CNTN4: variants seen among roughly 807,000 people sequenced by gnomAD.
CNTN4 encodes contactin 4, also known as contactin-4.
Under a neutral mutation model 122.5 loss-of-function variants are expected in CNTN4, and 77 were observed. That is an observed-to-expected ratio of 0.63 (90% CI 0.52 to 0.76). CNTN4 has a LOEUF of 0.76. Ranked by LOEUF, CNTN4 falls within the 30% of genes least tolerant of loss-of-function variation. The pLI, the probability that CNTN4 is intolerant of heterozygous loss-of-function variation, is 0.00. For synonymous variants in CNTN4, 512 were observed against 447.0 expected (o/e 1.15, Z -1.83); for missense variants, 1,256 against 1,259.1 (o/e 1.00, Z 0.04).
At chr3:2,971,547 A>G (rs1218341547) in intron 13 of CNTN4, among the ~76,000 whole-genome samples, 1 of 152,330 alleles carries the variant, frequency 6.6e-6, no homozygotes, top group South Asian at 2.1e-4. Flanking sequence ...GAAAAACAAT[A>G]AGCAGAATTC....
At chr3:2,806,244 C>G (rs1443877403) in intron 6 of CNTN4, among the ~76,000 whole-genome samples, 1 of 152,178 alleles carries the variant, frequency 6.6e-6, no homozygotes, top group Non-Finnish European at 1.5e-5. Flanking sequence ...ACTCTAAACA[C>G]TTTTACAGCA....
chr3:2,760,856 A>G (rs1442619711), intron 6 of CNTN4, among the ~76,000 whole-genome samples: 2 of 152,146 alleles, frequency 1.3e-5, no homozygotes, highest in Admixed American at 6.5e-5. Flanking sequence ...TCCTTTTCTC[A>G]GGGTCTCAGT....
At chr3:2,380,147 C>T (rs1490825759) in intron 3 of CNTN4, among the ~76,000 whole-genome samples, 3 of 151,630 alleles carry the variant, frequency 2.0e-5, no homozygotes. Context: ...CTTTGATCAT[C>T]TGAAATAAAA....
At chr3:2,345,904 C>T (rs1377985631) in intron 3 of CNTN4, among the ~76,000 whole-genome samples, 1 of 152,092 alleles carries the variant, frequency 6.6e-6, no homozygotes, top group African/African-American at 2.4e-5. Flanking sequence ...TGCTTGTTGA[C>T]AAAATATTAC....
Position 2,675,831 on chromosome 3 carries a change from A to G in CNTN4, c.56-60384A>G, listed in dbSNP as rs550093774. ...GCTTTCTTTGTGCTGGACACTGCTA[A>G]GCCTAATATGTCTGTTATCTCATTT... On this transcript the variant is annotated intron_variant, in intron 4 of 24. Coordinates refer to ENST00000418658, the MANE Select transcript of CNTN4 (RefSeq NM_175607.3). 2.6e-5 allele frequency among the ~76,000 whole-genome samples: 4 copies of G among 152,320 alleles called. No individual in the cohort carries two copies. The East Asian group carries it at 7.7e-4, about 29-fold the overall frequency.
intron 13 of CNTN4, among the ~76,000 whole-genome samples, chr3:2,984,017 G>A (rs1577503264): frequency 6.6e-6 from 1 of 152,184 alleles, no homozygotes; most frequent in East Asian, 1.9e-4. Context: ...AACAGTGGGA[G>A]AGTTGAGACC....
chr3:2,273,063 T>C (rs1475240164), intron 2 of CNTN4, among the ~76,000 whole-genome samples: 1 of 152,220 alleles, frequency 6.6e-6, no homozygotes, highest in Non-Finnish European at 1.5e-5. Context: ...GAAGAAAAAT[T>C]TCTTTGTGGT....
At chr3:2,979,360 G>C in intron 13 of CNTN4, among the ~76,000 whole-genome samples, 1 of 152,054 alleles carries the variant, frequency 6.6e-6, no homozygotes, top group Non-Finnish European at 1.5e-5. Context: ...GGGGAACCAG[G>C]GGAATGAGAA....
At chr3:2,619,619 G>T (rs1339772142) in intron 4 of CNTN4, among the ~76,000 whole-genome samples, 1 of 152,040 alleles carries the variant, frequency 6.6e-6, no homozygotes, top group African/African-American at 2.4e-5. Context: ...ATGAGAGAAG[G>T]AGCAAGTCCT....
At chr3:2,504,876 A>G (rs1250055165) in intron 3 of CNTN4, among the ~76,000 whole-genome samples, 2 of 152,144 alleles carry the variant, frequency 1.3e-5, no homozygotes, top group Non-Finnish European at 2.9e-5. Flanking sequence ...GTAATAAGAG[A>G]CAATAAAAGG....
chr3:2,886,744 C>A, intron 9 of CNTN4, among the ~76,000 whole-genome samples: 1 of 152,024 alleles, frequency 6.6e-6, no homozygotes, highest in East Asian at 1.9e-4. Context: ...AAACTCCTGA[C>A]CTCAAGTGAT....
At chr3:2,510,358 C>CTGTT in intron 3 of CNTN4, among the ~76,000 whole-genome samples, 1 of 99,382 alleles carries the variant, frequency 1.0e-5, no homozygotes, top group African/African-American at 3.8e-5. Flanking sequence ...TGTAGATCAC[C>CTGTT]TGTTTGTTTG....
intron 2 of CNTN4, among the ~76,000 whole-genome samples, chr3:2,302,065 A>C (rs542179663): frequency 6.6e-6 from 1 of 152,208 alleles, no homozygotes; most frequent in Non-Finnish European, 1.5e-5. Context: ...AAACCCATTT[A>C]TATTTTTTTG....
chr3:2,627,539 G>A (rs1313852366), intron 4 of CNTN4, among the ~76,000 whole-genome samples: 1 of 148,560 alleles, frequency 6.7e-6, no homozygotes, highest in Non-Finnish European at 1.5e-5. Context: ...TGTCGCCCAG[G>A]CTGGAGTGTA....
intron 2 of CNTN4, among the ~76,000 whole-genome samples, chr3:2,292,903 C>T (rs2042185472): frequency 6.6e-6 from 1 of 152,196 alleles, no homozygotes; most frequent in Admixed American, 6.5e-5. Flanking sequence ...CATATGCACT[C>T]ATTTCTATAG....
At chr3:2,815,581 CAGT>C (rs2092707329) in intron 6 of CNTN4, among the ~76,000 whole-genome samples, 1 of 152,002 alleles carries the variant, frequency 6.6e-6, no homozygotes, top group South Asian at 2.1e-4. Context: ...AATCAAAAAA[CAGT>C]AGATGTTGGT....
intron 12 of CNTN4, among the ~76,000 whole-genome samples, chr3:2,919,305 T>C (rs969576333): frequency 1.6e-4 from 24 of 147,994 alleles, no homozygotes; most frequent in Non-Finnish European, 3.3e-4. Context: ...TGAGCCAAGA[T>C]TGCACCACTG....
chr3:2,736,076 AGAAGCTGAAACACAGCCT>A, intron 4 of CNTN4, 121 bp from the exon 5 acceptor site: 1 of 883,498 alleles, frequency 1.1e-6, no homozygotes, highest in Non-Finnish European at 1.9e-6. Context: ...ATTTTCTTCT[AGAAGCTGAAACACAGCCT>A]GTTGTGCCTT....
chr3:2,340,318 C>T (rs13077635), intron 3 of CNTN4, among the ~76,000 whole-genome samples: 10,116 of 152,050 alleles, frequency 0.067, 409 homozygotes, highest in Middle Eastern at 0.082. Flanking sequence ...CATTGGTATA[C>T]ATAAAATGCT....
Sources: gnomAD v4.1 joint callset for allele counts (sites outside exome capture counted in the v4.1 genomes callset) on GRCh38, gnomAD v4.1.1 for gene constraint, MANE v1.5 for transcripts, NCBI Gene and HGNC (gene_info 2026-07-23, HGNC 2026-07-21) for gene names.